The following RGS6 variants were observed in gnomAD, a reference collection of about 807,000 sequenced individuals.
RGS6 encodes the protein regulator of G-protein signaling 6.
In RGS6, 30 loss-of-function variants were observed where a neutral mutation model predicts 78.5. That is an observed-to-expected ratio of 0.38 (90% CI 0.29 to 0.52). RGS6 has a LOEUF of 0.52. Among genes scored for constraint, RGS6 ranks in the 20% least tolerant of loss-of-function variants. The pLI, the probability that RGS6 is intolerant of heterozygous loss-of-function variation, is 0.85. For missense variants in RGS6, 495 were observed against 609.7 expected (o/e 0.81, Z 1.98); for synonymous variants, 206 against 206.0 (o/e 1.00, Z 0.00).
chr14:72,236,667 C>T (rs1325096530), intron 2 of RGS6, among the ~76,000 whole-genome samples: 1 of 152,128 alleles, frequency 6.6e-6, no homozygotes, highest in Non-Finnish European at 1.5e-5. Context: ...CCTCACATCC[C>T]AGACGGTGGA....
the RGS6 span, among the ~76,000 whole-genome samples, chr14:72,602,146 A>T: frequency 6.6e-6 from 1 of 152,246 alleles, no homozygotes; most frequent in Non-Finnish European, 1.5e-5. Flanking sequence ...GAAAAGGAAA[A>T]ACAGACAAAG....
chr14:72,360,893 C>T (rs1306505557), intron 3 of RGS6, among the ~76,000 whole-genome samples: 1 of 152,084 alleles, frequency 6.6e-6, no homozygotes, highest in Non-Finnish European at 1.5e-5. Flanking sequence ...GGGTGGTTTC[C>T]TCCATGCTAT....
At chr14:71,947,773 A>G (rs1457826383) in intron 1 of RGS6, among the ~76,000 whole-genome samples, 2 of 152,246 alleles carry the variant, frequency 1.3e-5, no homozygotes, top group African/African-American at 2.4e-5. Flanking sequence ...GGAAATAGGT[A>G]TAAGTTGAAC....
chr14:72,441,841 G>A (rs538993844), intron 3 of RGS6, among the ~76,000 whole-genome samples: 208 of 152,352 alleles, frequency 1.4e-3, no homozygotes, highest in Non-Finnish European at 2.5e-3. Flanking sequence ...TTCTGGATAG[G>A]AGGCCCCCAG....
intron 3 of RGS6, among the ~76,000 whole-genome samples, chr14:72,402,690 T>C (rs2092546487): frequency 6.6e-6 from 1 of 152,082 alleles, no homozygotes; most frequent in South Asian, 2.1e-4. Context: ...GAGAATAGTA[T>C]GGCGGTTCCT....
the RGS6 span, among the ~76,000 whole-genome samples, chr14:71,887,113 C>T: frequency 1.3e-5 from 2 of 152,130 alleles, no homozygotes; most frequent in African/African-American, 2.4e-5. Flanking sequence ...AGCAGAGGAA[C>T]GTAAATTGTG....
intron 2 of RGS6, among the ~76,000 whole-genome samples, chr14:72,024,032 T>G (rs1326873893): frequency 6.6e-6 from 1 of 152,248 alleles, no homozygotes; most frequent in East Asian, 1.9e-4. Context: ...CTCAATTAGA[T>G]TCTGCTTTGT....
Position 72,157,548 on chromosome 14 carries a change from G to C in RGS6, c.84+192673G>C, listed in dbSNP as rs1239097225. ...TTTCCTTCTCCACAATTCTGTGGGCGTGTACTGCTGTGATAAGATGTTTGT... is the reference window on the plus strand; with the variant it reads ...TTTCCTTCTCCACAATTCTGTGGGCCTGTACTGCTGTGATAAGATGTTTGT... On this transcript the variant is annotated intron_variant, in intron 2 of 17. Coordinates refer to ENST00000553525, the MANE Select transcript of RGS6 (RefSeq NM_001204424.2). Among the ~76,000 whole-genome samples, 3 of 152,172 alleles carry C rather than the reference G, an allele frequency of 2.0e-5. No individual in the cohort carries two copies. The South Asian group carries it at 6.2e-4, about 32-fold the overall frequency.
intron 2 of RGS6, among the ~76,000 whole-genome samples, chr14:72,057,870 G>A (rs1009897366): frequency 2.6e-5 from 4 of 152,106 alleles, no homozygotes; most frequent in African/African-American, 9.7e-5. Context: ...ATCTGGCTTG[G>A]CAATCAATGC....
chr14:72,411,509 C>T (rs1211875812), intron 3 of RGS6, among the ~76,000 whole-genome samples: 1 of 152,188 alleles, frequency 6.6e-6, no homozygotes, highest in Non-Finnish European at 1.5e-5. Context: ...ATGTCATCTG[C>T]AAACAGGGAC....
chr14:72,095,693 C>T (rs2095389017), intron 2 of RGS6, among the ~76,000 whole-genome samples: 1 of 152,214 alleles, frequency 6.6e-6, no homozygotes. Context: ...GGGCAAGTAA[C>T]TGCCAGTCAT....
chr14:72,090,415 G>A (rs113004506), intron 2 of RGS6, among the ~76,000 whole-genome samples: 4 of 152,184 alleles, frequency 2.6e-5, no homozygotes, highest in African/African-American at 9.7e-5. Context: ...GAGTCTCACA[G>A]GAGCGTGAAC....
chr14:72,283,247 T>C (rs2061898215), intron 2 of RGS6, among the ~76,000 whole-genome samples: 1 of 152,200 alleles, frequency 6.6e-6, no homozygotes, highest in Non-Finnish European at 1.5e-5. Flanking sequence ...GGCGTGCAAA[T>C]ATCTCTTCAA....
chr14:72,336,534 A>AGC (rs934556347), intron 2 of RGS6, among the ~76,000 whole-genome samples: 1,710 of 141,786 alleles, frequency 0.012, 11 homozygotes, highest in South Asian at 0.024. Flanking sequence ...AGAGAGAGAG[A>AGC]GCGCGCATAG....
At chr14:72,202,559 C>A (rs775354239) in intron 2 of RGS6, among the ~76,000 whole-genome samples, 1 of 152,128 alleles carries the variant, frequency 6.6e-6, no homozygotes, top group Non-Finnish European at 1.5e-5. Flanking sequence ...AAAAATATCT[C>A]GCTCTCCTGA....
chr14:72,077,148 T>G (rs934323692), intron 2 of RGS6, among the ~76,000 whole-genome samples: 36 of 152,024 alleles, frequency 2.4e-4, no homozygotes, highest in Admixed American at 2.3e-3. Context: ...ATGAAAGTTG[T>G]ATGTATTTTA....
At chr14:72,092,158 T>C (rs2153503737) in intron 2 of RGS6, among the ~76,000 whole-genome samples, 1 of 152,082 alleles carries the variant, frequency 6.6e-6, no homozygotes, top group East Asian at 1.9e-4. Context: ...CCCAGGTAGC[T>C]GGGATTACAG....
At chr14:72,157,850 T>C (rs1012323471) in intron 2 of RGS6, among the ~76,000 whole-genome samples, 1 of 152,182 alleles carries the variant, frequency 6.6e-6, no homozygotes, top group African/African-American at 2.4e-5. Flanking sequence ...TTTTTCTTTT[T>C]CTTTTTTTAT....
chr14:72,007,618 C>T (rs1013582668), intron 2 of RGS6, among the ~76,000 whole-genome samples: 2 of 151,956 alleles, frequency 1.3e-5, no homozygotes, highest in Admixed American at 1.3e-4. Flanking sequence ...ATTTTATGTG[C>T]GGACCAAGAC....
Sources: allele counts gnomAD v4.1 joint callset (sites outside exome capture counted in the v4.1 genomes callset), GRCh38; gene constraint gnomAD v4.1.1; transcripts MANE v1.5; gene names NCBI Gene and HGNC (gene_info 2026-07-23, HGNC 2026-07-21).